The following KCTD20 variants were observed in gnomAD, a reference collection of about 807,000 sequenced individuals.
The protein encoded by KCTD20 is BTB/POZ domain-containing protein KCTD20.
Under a neutral mutation model 39.6 loss-of-function variants are expected in KCTD20, and 30 were observed. The observed-to-expected ratio is 0.76, with a 90% CI of 0.57 to 1.03. The LOEUF (loss-of-function observed/expected upper bound fraction) is 1.03. KCTD20 is among the 50% of genes least tolerant of loss of function. KCTD20 has a pLI of 0.00. For synonymous variants in KCTD20, 162 were observed against 180.6 expected, an observed-to-expected ratio of 0.90 and a Z score of 0.83; for missense variants, 422 against 522.0, an observed-to-expected ratio of 0.81 and a Z score of 1.87.
Position 36,447,739 on chromosome 6 carries a change from C to G in KCTD20, c.-47+4628C>G, listed in dbSNP as rs564955360. 2.0e-5 allele frequency among the ~76,000 whole-genome samples: 3 copies of G among 151,572 alleles called. No individual in the cohort carries two copies. The South Asian group carries it at 6.3e-4, about 32-fold the overall frequency. On this transcript the variant is annotated intron_variant, in intron 1 of 7. Transcript: ENST00000373731. The stretch of plus-strand genomic sequence containing the variant: ...GGTGCTGTAGCTCACACCTATAATC[C>G]CAGCACTTTGGGAGGCTGACATGGG...
At chr6:36,465,015 C>T (rs903682442) in intron 1 of KCTD20, among the ~76,000 whole-genome samples, 5 of 152,046 alleles carry the variant, frequency 3.3e-5, no homozygotes, top group East Asian at 1.9e-4. Flanking sequence ...GCACTATTAA[C>T]GGTATGAAAT....
At chr6:36,485,558 A>G (rs963821506) in intron 7 of KCTD20, among the ~76,000 whole-genome samples, 1 of 140,970 alleles carries the variant, frequency 7.1e-6, no homozygotes, top group Admixed American at 7.9e-5. Flanking sequence ...CGGTGGCACG[A>G]TCTCAGCTCA....
chr6:36,484,689 TA>T, intron 6 of KCTD20, 24 bp from the exon 7 acceptor site: 2 of 1,139,648 alleles, frequency 1.8e-6, no homozygotes, highest in South Asian at 1.3e-5. Flanking sequence ...ACTCCATGGC[TA>T]ACCCTATATT....
intron 6 of KCTD20, among the ~76,000 whole-genome samples, chr6:36,482,810 G>A (rs1011816045): frequency 2.6e-5 from 4 of 151,954 alleles, no homozygotes; most frequent in South Asian, 4.2e-4. Flanking sequence ...GCTGGGCGTC[G>A]TGGCTCATGC....
chr6:36,474,690 G>GT (rs1353911237), intron 2 of KCTD20, 99 bp from the exon 3 acceptor site: 2 of 1,171,024 alleles, frequency 1.7e-6, no homozygotes, highest in Admixed American at 2.8e-5. Context: ...AAATTTGGGG[G>GT]TTTTTTGTTT....
At chr6:36,459,427 G>A (rs1356219665) in intron 1 of KCTD20, among the ~76,000 whole-genome samples, 2 of 152,236 alleles carry the variant, frequency 1.3e-5, no homozygotes, top group Non-Finnish European at 2.9e-5. Flanking sequence ...AAATCAGGAT[G>A]CATCTGAAAA....
rs1224991417 is a variant in KCTD20 at position 36,489,799 on chromosome 6, T to C, written c.*2624T>C. 4 of 152,234 alleles carry C rather than the reference T, an allele frequency of 2.6e-5. No individual in the cohort carries two copies. The highest frequency in any genetic ancestry group is 9.6e-5 in the African/African-American group (4 of 41,462). The allele number at this position is 152,234 out of a possible 1,614,324, so 9.4% of individuals were successfully genotyped here. A position where few individuals can be genotyped will look rare whatever the true frequency, so the allele number is the denominator to read the frequency against. The stretch of plus-strand genomic sequence containing the variant: ...GCCAGAGAAATCGGCAAGCCAAGAT[T>C]AACCCGAATCTGAAGTTTAGAATCT... On this transcript the variant is annotated 3_prime_UTR_variant, in exon 8 of 8. Transcript: ENST00000373731.
intron 7 of KCTD20, 75 bp from the exon 8 acceptor site, chr6:36,486,808 G>GT: frequency 8.2e-7 from 1 of 1,216,484 alleles, no homozygotes; most frequent in Non-Finnish European, 1.2e-6. Context: ...AACTGATGTG[G>GT]TTAGGAAGGA....
intron 1 of KCTD20, among the ~76,000 whole-genome samples, chr6:36,449,916 G>A (rs528897803): frequency 1.4e-4 from 22 of 152,244 alleles, no homozygotes; most frequent in African/African-American, 5.3e-4. Flanking sequence ...TGTAATCCCA[G>A]CACTTTGGGA....
At chr6:36,451,423 T>G (rs1225496069) in intron 1 of KCTD20, 1 of 152,242 alleles carries the variant, frequency 6.6e-6, no homozygotes, top group Non-Finnish European at 1.5e-5. Context: ...CTTTTTTCTG[T>G]GGATACATTT....
At chr6:36,457,700 A>G (rs1775480535) in intron 1 of KCTD20, among the ~76,000 whole-genome samples, 1 of 152,224 alleles carries the variant, frequency 6.6e-6, no homozygotes, top group South Asian at 2.1e-4. Context: ...AAGTCTGGAA[A>G]CAGTGTTAAA....
At chr6:36,456,403 C>T (rs1477111071) in intron 1 of KCTD20, among the ~76,000 whole-genome samples, 1 of 152,036 alleles carries the variant, frequency 6.6e-6, no homozygotes, top group Non-Finnish European at 1.5e-5. Context: ...CTCAGACTCC[C>T]AAGTAGCCAG....
At chr6:36,446,686 A>G (rs1356883840) in intron 1 of KCTD20, among the ~76,000 whole-genome samples, 5 of 152,220 alleles carry the variant, frequency 3.3e-5, no homozygotes, top group Admixed American at 6.5e-5. Context: ...ACCTCATCCA[A>G]TGTGATATTT....
chr6:36,479,077 A>G (rs901069615), intron 3 of KCTD20, 44 bp from the exon 4 acceptor site: 8 of 1,251,844 alleles, frequency 6.4e-6, no homozygotes, highest in African/African-American at 3.0e-5. Context: ...ATCTGTGAAG[A>G]ATCATGATGG....
At chr6:36,458,541 CAA>C (rs1174858102) in intron 1 of KCTD20, among the ~76,000 whole-genome samples, 65 of 66,866 alleles carry the variant, frequency 9.7e-4, no homozygotes, top group Admixed American at 2.0e-3. Flanking sequence ...AACTCCATCT[CAA>C]AAAAAAAAAA....
chr6:36,456,682 A>AG (rs1775446661), intron 1 of KCTD20, among the ~76,000 whole-genome samples: 1 of 148,466 alleles, frequency 6.7e-6, no homozygotes, highest in Non-Finnish European at 1.5e-5. Flanking sequence ...TGACCTCCTG[A>AG]GCTCAAATGA....
intron 1 of KCTD20, among the ~76,000 whole-genome samples, chr6:36,450,747 A>G (rs993454085): frequency 3.3e-5 from 5 of 152,216 alleles, no homozygotes; most frequent in Non-Finnish European, 5.9e-5. Flanking sequence ...ACATTAACTT[A>G]AATTCCTAAT....
intron 7 of KCTD20, among the ~76,000 whole-genome samples, chr6:36,485,431 A>G (rs1209274232): frequency 6.6e-6 from 1 of 151,906 alleles, no homozygotes; most frequent in Non-Finnish European, 1.5e-5. Context: ...AAGGCTCTCA[A>G]GAGACTGATT....
Position 36,490,247 on chromosome 6 carries a change from GT to G in KCTD20, c.*3077del. The stretch of plus-strand genomic sequence containing the variant: ...TGTCAATCGAAGTTAAAAAGCAAGG[GT>G]TTTTGGCCAGGCGTGGTGGCTCACG... On this transcript the variant is annotated 3_prime_UTR_variant, in exon 8 of 8. Transcript: ENST00000373731. 6.6e-6 allele frequency: 1 copy of G among 152,260 alleles called. No individual in the cohort carries two copies. The highest frequency in any genetic ancestry group is 1.5e-5 in the Non-Finnish European group (1 of 68,034). 9.4% of individuals were successfully genotyped at this position (152,260 alleles called of 1,614,324 possible). A position where few individuals can be genotyped will look rare whatever the true frequency, so the allele number is the denominator to read the frequency against.
Sources: gnomAD v4.1 joint callset for allele counts (sites outside exome capture counted in the v4.1 genomes callset) on GRCh38, gnomAD v4.1.1 for gene constraint, MANE v1.5 for transcripts, NCBI Gene and HGNC (gene_info 2026-07-23, HGNC 2026-07-21) for gene names.